AUTS2: variants seen among roughly 807,000 people sequenced by gnomAD.
The protein encoded by AUTS2 is activator of transcription and developmental regulator AUTS2.
AUTS2 carries 17 observed loss-of-function variants against 112.4 expected under a neutral mutation model. The ratio of observed to expected loss-of-function variants is 0.15; its 90% CI spans 0.10 to 0.23. AUTS2 has a LOEUF of 0.23. Ranked by LOEUF, AUTS2 falls within the 10% of genes least tolerant of loss-of-function variation. The pLI is 1.00. For missense variants in AUTS2, 1,510 were observed against 1,701.6 expected (o/e 0.89, Z 1.98); for synonymous variants, 751 against 702.7 (o/e 1.07, Z -1.09).
chr7:70,074,030 G>A (rs1249114517), intron 2 of AUTS2, among the ~76,000 whole-genome samples: 1 of 152,116 alleles, frequency 6.6e-6, no homozygotes, highest in Non-Finnish European at 1.5e-5. Context: ...GTCTCATGTT[G>A]CTTCCACAGA....
intron 4 of AUTS2, among the ~76,000 whole-genome samples, chr7:70,253,851 A>G (rs1477697354): frequency 6.6e-6 from 1 of 151,978 alleles, no homozygotes; most frequent in East Asian, 1.9e-4. Context: ...CTAGCACTGA[A>G]TGTGTAGTAG....
intron 4 of AUTS2, among the ~76,000 whole-genome samples, chr7:70,422,236 CA>C (rs1308546443): frequency 1.3e-5 from 2 of 151,920 alleles, no homozygotes; most frequent in African/African-American, 4.8e-5. Flanking sequence ...TGTAAAAAAA[CA>C]AAAAAAGAAA....
chr7:70,566,767 T>C lies in AUTS2; in HGVS notation c.690+130986T>C, dbSNP rs1359998824. On this transcript the variant is annotated intron_variant, in intron 5 of 18. Coordinates refer to ENST00000342771, the MANE Select transcript of AUTS2 (RefSeq NM_015570.4). ...AGAAAAAAAGAATGCATGAAACTTATTTAACAAGAAAGATTTGAGTCAGGT... is the reference window on the plus strand; with the variant it reads ...AGAAAAAAAGAATGCATGAAACTTACTTAACAAGAAAGATTTGAGTCAGGT... Among the ~76,000 whole-genome samples, 4 of 152,328 alleles carry C rather than the reference T, an allele frequency of 2.6e-5. No homozygotes were observed. In the South Asian group the frequency reaches 6.2e-4, roughly 24 times the overall value.
chr7:70,669,665 A>G (rs1467324387), intron 5 of AUTS2, among the ~76,000 whole-genome samples: 2 of 152,256 alleles, frequency 1.3e-5, no homozygotes, highest in Non-Finnish European at 2.9e-5. Context: ...CAGATATTTA[A>G]TAAAAGTCAC....
intron 6 of AUTS2, among the ~76,000 whole-genome samples, chr7:70,710,989 G>A (rs371514732): frequency 5.3e-5 from 8 of 152,168 alleles, no homozygotes; most frequent in African/African-American, 1.4e-4. Context: ...GAGGAACTCC[G>A]GTTGTAAAGA....
intron 16 of AUTS2, chr7:70,785,479 G>A (rs766738747): frequency 1.7e-5 from 8 of 469,206 alleles, no homozygotes; most frequent in African/African-American, 1.2e-4. Context: ...AAAGGTGCAT[G>A]CTTTGTGTGG....
intron 1 of AUTS2, among the ~76,000 whole-genome samples, chr7:69,817,619 G>T (rs919533241): frequency 6.6e-6 from 1 of 152,168 alleles, no homozygotes; most frequent in African/African-American, 2.4e-5. Flanking sequence ...GGGACTTTGT[G>T]GGGGAAGTAG....
chr7:70,213,632 T>C (rs972438176), intron 4 of AUTS2, among the ~76,000 whole-genome samples: 13 of 152,166 alleles, frequency 8.5e-5, no homozygotes, highest in Non-Finnish European at 1.6e-4. Context: ...GGAAATTCTT[T>C]GTTGCCTAAA....
chr7:69,613,989 A>G (rs1793183847), intron 1 of AUTS2, among the ~76,000 whole-genome samples: 1 of 152,160 alleles, frequency 6.6e-6, no homozygotes, highest in African/African-American at 2.4e-5. Context: ...CACCCTGTTA[A>G]GGTTTGTTTA....
At chr7:69,941,157 C>A (rs9690738) in intron 2 of AUTS2, among the ~76,000 whole-genome samples, 12,512 of 152,228 alleles carry the variant, frequency 0.082, 664 homozygotes, top group African/African-American at 0.14. Flanking sequence ...GGTCGACCCT[C>A]TCGATGTGGT....
chr7:70,518,972 G>A (rs548004152), intron 5 of AUTS2, among the ~76,000 whole-genome samples: 10 of 152,062 alleles, frequency 6.6e-5, no homozygotes, highest in South Asian at 2.1e-4. Flanking sequence ...CCAAAGTGCC[G>A]GGATTACAGG....
At chr7:69,614,367 T>TCTTTCTC (rs57602451) in intron 1 of AUTS2, among the ~76,000 whole-genome samples, 1 of 90,184 alleles carries the variant, frequency 1.1e-5, no homozygotes, top group Non-Finnish European at 2.3e-5. Context: ...TTTCTTTCTT[T>TCTTTCTC]TTTTAAGAGA....
At chr7:70,207,997 G>A (rs1165043074) in intron 4 of AUTS2, among the ~76,000 whole-genome samples, 2 of 115,904 alleles carry the variant, frequency 1.7e-5, no homozygotes, top group Admixed American at 1.0e-4. Flanking sequence ...GGCAACAAGA[G>A]TGAAACTCCA....
At chr7:70,210,775 G>C (rs894902673) in intron 4 of AUTS2, among the ~76,000 whole-genome samples, 1 of 152,198 alleles carries the variant, frequency 6.6e-6, no homozygotes, top group African/African-American at 2.4e-5. Flanking sequence ...AACATTTTAA[G>C]ACTCTTCTGG....
At chr7:69,600,386 G>T (rs1314814731) in intron 1 of AUTS2, among the ~76,000 whole-genome samples, 4 of 150,210 alleles carry the variant, frequency 2.7e-5, no homozygotes, top group Admixed American at 2.7e-4. Context: ...GGTTCTGTGT[G>T]CTTTCTACAG....
At chr7:70,516,509 A>C (rs1396152944) in intron 5 of AUTS2, among the ~76,000 whole-genome samples, 1 of 152,164 alleles carries the variant, frequency 6.6e-6, no homozygotes, top group Non-Finnish European at 1.5e-5. Flanking sequence ...AGAGCATTGG[A>C]GTCTGAGCCA....
chr7:70,694,837 A>G lies in AUTS2; in HGVS notation c.691-3732A>G, dbSNP rs1235214752. On this transcript the variant is annotated intron_variant, in intron 5 of 18. Transcript: ENST00000342771. The surrounding 1 kb of genome is among the most constrained non-coding windows in gnomAD (Gnocchi z 4.1). ...GCCCCGAAGCTGTTGCCCGGTTCGG[A>G]TCTGGTTCGGCGCCTCCGCTCTCGG... is the stretch of plus-strand genomic sequence containing the variant. The G allele has an allele frequency of 6.6e-6, 1 of 151,590 alleles. No individual in the cohort carries two copies. The highest frequency in any genetic ancestry group is 2.0e-4 in the East Asian group (1 of 5,046). The allele number at this position is 151,590 out of a possible 1,614,324, so 9.4% of individuals were successfully genotyped here.
chr7:70,449,389 G>A (rs1796440044), intron 5 of AUTS2, among the ~76,000 whole-genome samples: 1 of 152,164 alleles, frequency 6.6e-6, no homozygotes, highest in African/African-American at 2.4e-5. Flanking sequence ...ATTGTGGGTT[G>A]GTGTAACTTA....
chr7:70,363,918 A>G (rs1257136330), intron 4 of AUTS2, among the ~76,000 whole-genome samples: 1 of 152,134 alleles, frequency 6.6e-6, no homozygotes, highest in Non-Finnish European at 1.5e-5. Context: ...GCTATGTTTT[A>G]TTATTAGAAT....
Sources: allele counts gnomAD v4.1 joint callset (sites outside exome capture counted in the v4.1 genomes callset), GRCh38; gene constraint gnomAD v4.1.1; non-coding constraint Gnocchi (gnomAD v3.1); transcripts MANE v1.5; gene names NCBI Gene and HGNC (gene_info 2026-07-23, HGNC 2026-07-21).